The following AKAP12 variants were observed in gnomAD, a reference collection of about 807,000 sequenced individuals.
The protein encoded by AKAP12 is A-kinase anchoring protein 12, also known as A-kinase anchor protein 12.
Under a neutral mutation model 79.9 loss-of-function variants are expected in AKAP12, and 32 were observed. The observed-to-expected ratio is 0.40, with a 90% confidence interval of 0.30 to 0.54. AKAP12 has a LOEUF of 0.54. Ranked by LOEUF, AKAP12 falls within the 20% of genes least tolerant of loss-of-function variation. AKAP12 has a pLI of 0.48. For missense variants in AKAP12, 2,074 were observed against 2,177.0 expected (o/e 0.95, Z 0.94); for synonymous variants, 808 against 857.0 (o/e 0.94, Z 1.00).
At chr6:151,248,377 A>G (rs531971807) in intron 2 of AKAP12, among the ~76,000 whole-genome samples, 1 of 151,626 alleles carries the variant, frequency 6.6e-6, no homozygotes, top group South Asian at 2.1e-4. Context: ...AACTGAGACT[A>G]CCAGCTCCTG....
At chr6:151,291,240 G>A (rs1387738307) in intron 2 of AKAP12, among the ~76,000 whole-genome samples, 1 of 151,980 alleles carries the variant, frequency 6.6e-6, no homozygotes, top group Admixed American at 6.6e-5. Context: ...GACTTAATTG[G>A]GTTAGGATAT....
intron 2 of AKAP12, among the ~76,000 whole-genome samples, chr6:151,261,462 G>A (rs931601312): frequency 1.3e-5 from 2 of 152,004 alleles, no homozygotes; most frequent in African/African-American, 4.8e-5. Flanking sequence ...AGGCAGAGGC[G>A]GGTGGATCAA....
chr6:151,326,997 AGTAGAGCCGGG>A (rs1777546213), intron 3 of AKAP12, among the ~76,000 whole-genome samples: 1 of 151,922 alleles, frequency 6.6e-6, no homozygotes, highest in Admixed American at 6.6e-5. Context: ...TTGTATTTTT[AGTAGAGCCGGG>A]GTTTCACCAA....
At chr6:151,244,592 C>A (rs984360673) in intron 2 of AKAP12, among the ~76,000 whole-genome samples, 1 of 152,158 alleles carries the variant, frequency 6.6e-6, no homozygotes, top group African/African-American at 2.4e-5. Flanking sequence ...ATAATTCCTC[C>A]CATAAGCTTC....
chr6:151,261,971 A>AT (rs577841538), intron 2 of AKAP12, among the ~76,000 whole-genome samples: 51 of 151,886 alleles, frequency 3.4e-4, no homozygotes, highest in African/African-American at 1.0e-3. Flanking sequence ...ATTTTTAAAA[A>AT]TTTTTTTTGA....
In AKAP12 at chr6:151,351,771, C is replaced by T. The variant is rs1778297009; in HGVS notation, c.3380C>T (p.Thr1127Ile). Reference protein sequence around the residue: ...PESFEKAPQVTESIESSELVT... With the variant: ...PESFEKAPQVIESIESSELVT... ...AGCTTTGAAAAAGCTCCTCAAGTCA[C>T]AGAGAGCATAGAGTCCAGTGAGCTT... The change falls in exon 4 of 5, where the codon ACA (threonine) becomes ATA (isoleucine). Residue 1127 changes from threonine (T) to isoleucine (I), a missense_variant. Physicochemically the swap from Thr to Ile is moderately conservative, Grantham distance 89. Coordinates refer to ENST00000402676, the MANE Select transcript of AKAP12 (RefSeq NM_005100.4). The surrounding 1 kb of genome is among the most constrained non-coding windows in gnomAD (Gnocchi z 4.4). 1 of 1,614,148 alleles carries T rather than the reference C, an allele frequency of 6.2e-7. No individual in the cohort carries two copies.
chr6:151,328,327 CAA>C (rs10686442), intron 3 of AKAP12, among the ~76,000 whole-genome samples: 9 of 105,108 alleles, frequency 8.6e-5, no homozygotes, highest in Non-Finnish European at 3.9e-5. Context: ...GACTCCATCT[CAA>C]AAAAAAAAAA....
intron 2 of AKAP12, among the ~76,000 whole-genome samples, chr6:151,281,213 T>C (rs974905358): frequency 2.6e-5 from 4 of 152,134 alleles, no homozygotes; most frequent in Non-Finnish European, 5.9e-5. Flanking sequence ...CGAGCCTCCC[T>C]CTACAAACTG....
intron 2 of AKAP12, among the ~76,000 whole-genome samples, chr6:151,281,636 C>T (rs971663330): frequency 6.6e-6 from 1 of 152,116 alleles, no homozygotes; most frequent in South Asian, 2.1e-4. Context: ...TTGGGGCATT[C>T]TATGTGAGGC....
chr6:151,349,230 CT>C lies in AKAP12; in HGVS notation c.840del (p.Ala281GlnfsTer8), dbSNP rs1244282582. 5 of 1,613,754 alleles carry C rather than the reference CT, an allele frequency of 3.1e-6. No individual in the cohort carries two copies. The highest frequency in any genetic ancestry group is 3.4e-6 in the Non-Finnish European group (4 of 1,180,026). The stretch of plus-strand genomic sequence containing the variant: ...AAACAAGAAAAAGAACCTAGCAAGT[CT>C]GCAGAATCTCCGACTAGTCCCGTGA... Reference protein sequence around the residue: ...EEKQEKEPSKSAESPTSPVTS... With the variant: ...EEKQEKEPSKXAESPTSPVTS... On this transcript the variant is annotated frameshift_variant, in exon 4 of 5. Transcript: ENST00000402676. LOFTEE classifies it high-confidence loss of function.
chr6:151,261,576 C>A (rs1233880890), intron 2 of AKAP12, among the ~76,000 whole-genome samples: 1 of 149,824 alleles, frequency 6.7e-6, no homozygotes, highest in Non-Finnish European at 1.5e-5. Flanking sequence ...TGGCGGGTGC[C>A]TGTAAGCCCA....
chr6:151,301,621 A>G lies in AKAP12; in HGVS notation c.163-4126A>G, dbSNP rs552667981. ...ACGTGGGATTTGCAAAAGTGTGGAC[A>G]TGTCTGAATGTGACAATCTGACTAG... On this transcript the variant is annotated intron_variant, in intron 2 of 4. Transcript: ENST00000402676. 1.1e-4 allele frequency among the ~76,000 whole-genome samples: 17 copies of G among 152,324 alleles called. No individual in the cohort carries two copies. The South Asian group carries it at 3.5e-3, about 32-fold the overall frequency.
intron 3 of AKAP12, among the ~76,000 whole-genome samples, chr6:151,311,222 G>A (rs1024502926): frequency 6.6e-6 from 1 of 152,174 alleles, no homozygotes; most frequent in African/African-American, 2.4e-5. Flanking sequence ...TTCCACGTCA[G>A]CCTCCCAAAG....
intron 3 of AKAP12, chr6:151,325,406 GGCTCCA>G (rs1777497645): frequency 1.0e-6 from 1 of 985,378 alleles, no homozygotes; most frequent in Non-Finnish European, 1.2e-6. Flanking sequence ...CCAATGCGCC[GGCTCCA>G]GCATCGAACT....
intron 3 of AKAP12, among the ~76,000 whole-genome samples, chr6:151,343,408 A>G (rs559208819): frequency 6.6e-6 from 1 of 152,290 alleles, no homozygotes; most frequent in South Asian, 2.1e-4. Context: ...TTTTTTCTCT[A>G]GTATATTTCC....
intron 2 of AKAP12, among the ~76,000 whole-genome samples, chr6:151,287,876 A>G (rs1054080746): frequency 2.0e-5 from 3 of 152,200 alleles, no homozygotes; most frequent in Non-Finnish European, 2.9e-5. Context: ...ACGGAATACT[A>G]TGCAGCCATA....
At chr6:151,296,851 G>T (rs1164603640) in intron 2 of AKAP12, among the ~76,000 whole-genome samples, 1 of 152,092 alleles carries the variant, frequency 6.6e-6, no homozygotes, top group Non-Finnish European at 1.5e-5. Context: ...ATTTGATCCA[G>T]TTCCCTCACA....
chr6:151,299,266 T>A (rs1776804224), intron 2 of AKAP12, among the ~76,000 whole-genome samples: 1 of 152,204 alleles, frequency 6.6e-6, no homozygotes, highest in Non-Finnish European at 1.5e-5. Flanking sequence ...GCCTAGATGA[T>A]CTTAAAAGAT....
Position 151,324,682 on chromosome 6 carries a change from G to A in AKAP12, c.319+18779G>A, listed in dbSNP as rs928288913. Reference sequence around the variant, plus strand: ...ATGGGTCAGGCAGGCAAGGCATGAAGTGATAAATAGGGAAAGGATGAAAGA... The same window carrying A: ...ATGGGTCAGGCAGGCAAGGCATGAAATGATAAATAGGGAAAGGATGAAAGA... On this transcript the variant is annotated intron_variant, in intron 3 of 4. Transcript: ENST00000402676. 2.9e-5 allele frequency: 29 copies of A among 985,180 alleles called. 1 individual carries two copies. In the East Asian group the frequency reaches 2.7e-3, roughly 93 times the overall value. The allele number at this position is 985,180 out of a possible 1,614,324, so 61.0% of individuals were successfully genotyped here. A position where few individuals can be genotyped will look rare whatever the true frequency, so the allele number is the denominator to read the frequency against.
Sources: gnomAD v4.1 joint callset for allele counts (sites outside exome capture counted in the v4.1 genomes callset) on GRCh38, gnomAD v4.1.1 for gene constraint, Gnocchi (gnomAD v3.1) non-coding constraint, MANE v1.5 for transcripts, NCBI Gene and HGNC (gene_info 2026-07-23, HGNC 2026-07-21) for gene names.